The following TMEM231 variants were observed in gnomAD, a reference collection of about 807,000 sequenced individuals.
TMEM231 encodes transmembrane protein 231.
TMEM231 carries 40 observed loss-of-function variants against 38.5 expected under a neutral mutation model. The observed-to-expected ratio is 1.04, with a 90% CI of 0.81 to 1.35. The LOEUF (loss-of-function observed/expected upper bound fraction) is 1.35. Ranked by LOEUF, TMEM231 falls within the 40% of genes most tolerant of loss-of-function variation. The pLI is 0.00. For synonymous variants in TMEM231, 199 were observed against 181.7 expected, an observed-to-expected ratio of 1.10 and a Z score of -0.77; for missense variants, 420 against 416.9, an observed-to-expected ratio of 1.01 and a Z score of -0.07.
At position 75,537,247 on chromosome 16, in the gene TMEM231, C is replaced by T. The variant is rs186903747; in HGVS notation, c.*2747G>A. 16 of 146,124 alleles carry T rather than the reference C, an allele frequency of 1.1e-4. No homozygotes were observed. In the East Asian group the frequency reaches 1.2e-3, roughly 11 times the overall value. The allele number at this position is 146,124 out of a possible 1,614,324, so 9.1% of individuals were successfully genotyped here. ...CCAGGTTGTACAATTTAGCTATATA[C>T]GAAACCCATACATATACCCCATGAG... On this transcript the variant is annotated 3_prime_UTR_variant, in exon 7 of 7. Coordinates refer to ENST00000258173, the MANE Select transcript of TMEM231 (RefSeq NM_001077418.3).
chr16:75,545,307 T>C, intron 4 of TMEM231, 45 bp downstream of exon 4: 1 of 1,590,940 alleles, frequency 6.3e-7, no homozygotes, highest in Non-Finnish European at 8.6e-7. Flanking sequence ...TAATGAACAG[T>C]AACACAGAGA....
chr16:75,554,014 C>T (rs898445134), intron 2 of TMEM231, among the ~76,000 whole-genome samples: 3 of 152,194 alleles, frequency 2.0e-5, no homozygotes, highest in African/African-American at 7.2e-5. Flanking sequence ...CAATACCTTT[C>T]TCATTACCCC....
At position 75,556,066 on chromosome 16, in the gene TMEM231, C is replaced by A; in HGVS notation, c.139+5G>T. ...CTCGTGGCACAGCGGCCGGGGCAGGCTCACCGTGGCTCCGGAAGGCCACCA... is the reference window on the plus strand; with the variant it reads ...CTCGTGGCACAGCGGCCGGGGCAGGATCACCGTGGCTCCGGAAGGCCACCA... On this transcript the variant is annotated splice_donor_5th_base_variant and intron_variant, in intron 1 of 6. Coordinates refer to ENST00000258173, the MANE Select transcript of TMEM231 (RefSeq NM_001077418.3). 1 of 1,564,804 alleles carries A rather than the reference C, an allele frequency of 6.4e-7. No homozygotes were observed. The highest frequency in any genetic ancestry group is 8.7e-7 in the Non-Finnish European group (1 of 1,155,624).
chr16:75,543,630 C>G (rs967404428), intron 4 of TMEM231, among the ~76,000 whole-genome samples: 1 of 152,078 alleles, frequency 6.6e-6, no homozygotes, highest in South Asian at 2.1e-4. Flanking sequence ...AGAAACCATA[C>G]TTCCAACTCC....
intron 4 of TMEM231, among the ~76,000 whole-genome samples, chr16:75,543,074 CTTAAA>C (rs1408960982): frequency 6.6e-6 from 1 of 151,984 alleles, no homozygotes; most frequent in Non-Finnish European, 1.5e-5. Context: ...GAAAGAATTC[CTTAAA>C]TTATTTTAAC....
At chr16:75,548,806 T>G (rs1567437967) in intron 2 of TMEM231, among the ~76,000 whole-genome samples, 1 of 151,768 alleles carries the variant, frequency 6.6e-6, no homozygotes, top group African/African-American at 2.4e-5. Flanking sequence ...AAGGTGGAGG[T>G]TGCAGTGAGC....
In TMEM231 at chr16:75,541,445, G is replaced by C. The variant is rs1260355664; in HGVS notation, c.675C>G (p.Val225=). 2 of 1,606,470 alleles carry C rather than the reference G, an allele frequency of 1.2e-6. No individual in the cohort carries two copies. The highest frequency in any genetic ancestry group is 1.7e-6 in the Non-Finnish European group (2 of 1,175,470). The part of the protein sequence containing the change: ...AAYQERNVTT[V]LNDPNPIWLV... ...GCCAGATGGGGTTGGGATCATTCAG[G>C]ACGGTGGTAACTGCAATGCAATCAT... is the stretch of plus-strand genomic sequence containing the variant. Residue 225 remains valine, a synonymous_variant, in exon 6 of 7, where the codon GTC becomes GTG. Transcript: ENST00000258173.
chr16:75,539,112 C>T lies in TMEM231; in HGVS notation c.*882G>A, dbSNP rs890810893. On this transcript the variant is annotated 3_prime_UTR_variant, in exon 7 of 7. Coordinates refer to ENST00000258173, the MANE Select transcript of TMEM231 (RefSeq NM_001077418.3). Reference sequence around the variant, plus strand: ...AGCCAATCCCAACACCAACCCCTGTCGCCCCTGTCCTTTGCAGGAAGGGGG... The same window carrying T: ...AGCCAATCCCAACACCAACCCCTGTTGCCCCTGTCCTTTGCAGGAAGGGGG... 10 of 151,772 alleles carry T rather than the reference C, an allele frequency of 6.6e-5. No homozygotes were observed. The highest frequency in any genetic ancestry group is 1.2e-4 in the Non-Finnish European group (8 of 67,946). The allele number at this position is 151,772 out of a possible 1,614,324, so 9.4% of individuals were successfully genotyped here.
chr16:75,544,417 C>G (rs1368564884), intron 4 of TMEM231, among the ~76,000 whole-genome samples: 2 of 151,996 alleles, frequency 1.3e-5, no homozygotes, highest in Non-Finnish European at 2.9e-5. Context: ...ATGGCAAAAG[C>G]AAAAGCCCTG....
At chr16:75,544,460 G>C (rs912256672) in intron 4 of TMEM231, among the ~76,000 whole-genome samples, 3 of 152,112 alleles carry the variant, frequency 2.0e-5, no homozygotes, top group Non-Finnish European at 2.9e-5. Flanking sequence ...TTGAGGAACA[G>C]CAAAAAGGCC....
At chr16:75,549,939 C>T (rs1252495733) in intron 2 of TMEM231, among the ~76,000 whole-genome samples, 1 of 152,128 alleles carries the variant, frequency 6.6e-6, no homozygotes, top group Non-Finnish European at 1.5e-5. Flanking sequence ...AAACTCCTGA[C>T]CTTGGGTGAT....
intron 4 of TMEM231, among the ~76,000 whole-genome samples, chr16:75,544,078 C>T (rs533913273): frequency 3.5e-4 from 54 of 152,340 alleles, no homozygotes; most frequent in African/African-American, 1.3e-3. Flanking sequence ...AAATTAATCA[C>T]TTTAAGCCCC....
intron 4 of TMEM231, among the ~76,000 whole-genome samples, chr16:75,544,393 G>T (rs2080659209): frequency 6.6e-6 from 1 of 152,166 alleles, no homozygotes; most frequent in East Asian, 1.9e-4. Context: ...CCACATGGAT[G>T]CCTGGCAGAG....
rs531652252 is a variant in TMEM231 at position 75,538,005 on chromosome 16, A to G, written c.*1989T>C. 3 of 152,342 alleles carry G rather than the reference A, an allele frequency of 2.0e-5. No individual in the cohort carries two copies. The highest frequency in any genetic ancestry group is 7.2e-5 in the African/African-American group (3 of 41,574). 9.4% of individuals were successfully genotyped at this position (152,342 alleles called of 1,614,324 possible). Reference sequence around the variant, plus strand: ...TGGAAGTTCCAAGGTCGTTAGGCAGAGCCTTGTAAAGCATGGCTGTAGATG... The same window carrying G: ...TGGAAGTTCCAAGGTCGTTAGGCAGGGCCTTGTAAAGCATGGCTGTAGATG... On this transcript the variant is annotated 3_prime_UTR_variant, in exon 7 of 7. Coordinates refer to ENST00000258173, the MANE Select transcript of TMEM231 (RefSeq NM_001077418.3).
rs1345414495 is a variant in TMEM231, at chr16:75,539,446, G to C, written c.*548C>G. 1.3e-5 allele frequency: 2 copies of C among 151,860 alleles called. No individual in the cohort carries two copies. Among genetic ancestry groups the C allele is most frequent in the African/African-American group, 4.8e-5 (2 of 41,368 alleles). 9.4% of individuals were successfully genotyped at this position (151,860 alleles called of 1,614,324 possible). On this transcript the variant is annotated 3_prime_UTR_variant, in exon 7 of 7. Coordinates refer to ENST00000258173, the MANE Select transcript of TMEM231 (RefSeq NM_001077418.3). ...CCTCCCTGATTGCCTGTGCTAATGC[G>C]GCCCTTGCCCTTGGGCCCTGCCCCT... is the stretch of plus-strand genomic sequence containing the variant.
chr16:75,540,724 C>T (rs1366066466), intron 6 of TMEM231, among the ~76,000 whole-genome samples: 1 of 152,120 alleles, frequency 6.6e-6, no homozygotes, highest in Non-Finnish European at 1.5e-5. Flanking sequence ...ATAACCTTAG[C>T]ATAAAAGGGA....
chr16:75,554,119 T>A (rs2080787929), intron 2 of TMEM231, among the ~76,000 whole-genome samples: 1 of 152,220 alleles, frequency 6.6e-6, no homozygotes, highest in African/African-American at 2.4e-5. Context: ...ATTTTGGTTC[T>A]CAGTTTTCCT....
At chr16:75,545,251 C>A in intron 4 of TMEM231, 101 bp downstream of exon 4, 3 of 1,493,196 alleles carry the variant, frequency 2.0e-6, no homozygotes, top group East Asian at 4.6e-5. Context: ...TGAGCCACTG[C>A]GCCTGGCCTG....
intron 2 of TMEM231, 138 bp from the exon 3 acceptor site, chr16:75,546,092 C>T: frequency 3.9e-6 from 6 of 1,544,398 alleles, no homozygotes; most frequent in Non-Finnish European, 5.2e-6. Context: ...AAGAGAAAAG[C>T]AGATAGATGT....
Sources: gnomAD v4.1 joint callset for allele counts (sites outside exome capture counted in the v4.1 genomes callset) on GRCh38, gnomAD v4.1.1 for gene constraint, MANE v1.5 for transcripts, NCBI Gene and HGNC (gene_info 2026-07-23, HGNC 2026-07-21) for gene names.